RNLS: variants seen among roughly 807,000 people sequenced by gnomAD.
The protein encoded by RNLS is renalase.
A neutral mutation model predicts 39.8 loss-of-function variants in RNLS; 39 were observed. That is an observed-to-expected ratio of 0.98 (90% CI 0.76 to 1.28). RNLS has a LOEUF of 1.28. Among genes scored for constraint, RNLS ranks in the 50% most tolerant of loss-of-function variants. RNLS has a pLI of 0.00. For missense variants in RNLS, 410 were observed against 413.3 expected, an observed-to-expected ratio of 0.99 and a Z score of 0.07; for synonymous variants, 147 against 150.7, an observed-to-expected ratio of 0.98 and a Z score of 0.18.
intron 4 of RNLS, among the ~76,000 whole-genome samples, chr10:88,436,808 A>G (rs1392637523): frequency 6.6e-6 from 1 of 152,162 alleles, no homozygotes; most frequent in African/African-American, 2.4e-5. Context: ...ATATTTTCAT[A>G]AAGAAGTCAG....
the RNLS span, among the ~76,000 whole-genome samples, chr10:88,180,353 C>A: frequency 6.6e-6 from 1 of 152,112 alleles, no homozygotes; most frequent in Non-Finnish European, 1.5e-5. Flanking sequence ...TGAGATCCTT[C>A]TCTTATAATT....
downstream of RNLS, among the ~76,000 whole-genome samples, chr10:88,279,936 T>C (rs564559204): frequency 1.3e-5 from 2 of 152,278 alleles, no homozygotes; most frequent in East Asian, 1.9e-4. Flanking sequence ...TTCTGTCTCA[T>C]GGTTTTGAAG....
At chr10:88,328,866 T>C (rs1277068437) in intron 5 of RNLS, among the ~76,000 whole-genome samples, 1 of 152,156 alleles carries the variant, frequency 6.6e-6, no homozygotes, top group Non-Finnish European at 1.5e-5. Context: ...TCCAAAAGTA[T>C]TCTGTGAAGT....
At chr10:88,573,587 G>A (rs540049952) in intron 3 of RNLS, among the ~76,000 whole-genome samples, 1 of 152,060 alleles carries the variant, frequency 6.6e-6, no homozygotes, top group Non-Finnish European at 1.5e-5. Flanking sequence ...TTCTCTGTAA[G>A]GGAAATGCAA....
rs367758046 is a variant in RNLS at position 88,512,272 on chromosome 10, T to C, written c.526+60631A>G. Among the ~76,000 whole-genome samples the C allele has an allele frequency of 6.5e-4, 99 of 152,322 alleles. No homozygotes were observed. The East Asian group carries it at 0.018, about 27-fold the overall frequency. On this transcript the variant is annotated intron_variant, in intron 4 of 6. Coordinates refer to ENST00000331772, the MANE Select transcript of RNLS (RefSeq NM_001031709.3). The stretch of plus-strand genomic sequence containing the variant: ...GAAGCAGTCTGTTTGCACCCTTTTA[T>C]GTCAGAAATAAGTCCTCTTTGGACA...
the RNLS span, among the ~76,000 whole-genome samples, chr10:88,247,904 C>T: frequency 7.9e-5 from 12 of 152,268 alleles, no homozygotes; most frequent in South Asian, 2.5e-3. Flanking sequence ...GGGCACTAGG[C>T]AAAGAATGCA....
chr10:88,238,423 G>C, the RNLS span, among the ~76,000 whole-genome samples: 1 of 152,198 alleles, frequency 6.6e-6, no homozygotes, highest in South Asian at 2.1e-4. Context: ...ATTCTGCTGA[G>C]CCCTTCTCTG....
intron 4 of RNLS, among the ~76,000 whole-genome samples, chr10:88,449,219 G>C (rs961859471): frequency 1.3e-5 from 2 of 152,112 alleles, no homozygotes; most frequent in African/African-American, 2.4e-5. Flanking sequence ...AATGTCCTCT[G>C]GATCTATTTA....
chr10:88,321,409 A>C (rs2133095463), intron 5 of RNLS, among the ~76,000 whole-genome samples: 1 of 152,336 alleles, frequency 6.6e-6, no homozygotes, highest in South Asian at 2.1e-4. Context: ...AAATGAGAAC[A>C]AACCAAACCC....
At chr10:88,360,379 T>C (rs1564729407) in intron 5 of RNLS, among the ~76,000 whole-genome samples, 1 of 152,166 alleles carries the variant, frequency 6.6e-6, no homozygotes, top group South Asian at 2.1e-4. Flanking sequence ...CTGTGGCACA[T>C]GAGGAGAAGT....
At chr10:88,313,848 A>G (rs750790317) in intron 6 of RNLS, among the ~76,000 whole-genome samples, 7 of 152,196 alleles carry the variant, frequency 4.6e-5, no homozygotes, top group Non-Finnish European at 8.8e-5. Flanking sequence ...CCATTGAAAT[A>G]TGCAGAAATT....
At chr10:88,510,069 A>C (rs1300706013) in intron 4 of RNLS, among the ~76,000 whole-genome samples, 1 of 152,182 alleles carries the variant, frequency 6.6e-6, no homozygotes, top group Non-Finnish European at 1.5e-5. Context: ...ATATAAATGA[A>C]CATTTAGAAA....
At chr10:88,523,802 G>A (rs1214473105) in intron 4 of RNLS, among the ~76,000 whole-genome samples, 2 of 152,036 alleles carry the variant, frequency 1.3e-5, no homozygotes, top group African/African-American at 2.4e-5. Context: ...CATAGGAGCC[G>A]CATCACTACT....
At chr10:88,553,850 T>C (rs1346401611) in intron 4 of RNLS, among the ~76,000 whole-genome samples, 1 of 152,126 alleles carries the variant, frequency 6.6e-6, no homozygotes, top group Non-Finnish European at 1.5e-5. Flanking sequence ...TATAATATAC[T>C]TCAAGGTAGA....
the RNLS span, among the ~76,000 whole-genome samples, chr10:88,265,895 G>A: frequency 2.0e-5 from 3 of 152,188 alleles, no homozygotes; most frequent in South Asian, 2.1e-4. Flanking sequence ...CCCAAATGGC[G>A]AATTAGTCAT....
intron 3 of RNLS, among the ~76,000 whole-genome samples, chr10:88,573,457 C>T (rs1038747817): frequency 3.9e-5 from 6 of 152,140 alleles, no homozygotes; most frequent in Non-Finnish European, 8.8e-5. Context: ...GACTCTAAAG[C>T]TCATCATTTT....
Position 88,284,846 on chromosome 10 carries a change from A to G in RNLS, c.*508T>C. On this transcript the variant is annotated 3_prime_UTR_variant, in exon 7 of 7. Coordinates refer to ENST00000331772, the MANE Select transcript of RNLS (RefSeq NM_001031709.3). ...ACCTACAATTCAGGATCACTTAATA[A>G]CTTGGGGGATAAATGAGAAATAAGA... The G allele has an allele frequency of 1.0e-6, 1 of 985,480 alleles. No individual in the cohort carries two copies. Among genetic ancestry groups the G allele is most frequent in the Non-Finnish European group, 1.2e-6 (1 of 829,996 alleles). The allele number at this position is 985,480 out of a possible 1,614,324, so 61.0% of individuals were successfully genotyped here.
At chr10:88,294,467 C>T (rs752486155) in intron 6 of RNLS, among the ~76,000 whole-genome samples, 1 of 151,854 alleles carries the variant, frequency 6.6e-6, no homozygotes, top group Non-Finnish European at 1.5e-5. Flanking sequence ...TAAATTTATA[C>T]ACAAAATATT....
At chr10:88,224,342 TCA>T in the RNLS span, among the ~76,000 whole-genome samples, 1 of 152,158 alleles carries the variant, frequency 6.6e-6, no homozygotes, top group Non-Finnish European at 1.5e-5. Flanking sequence ...CTTAATACTA[TCA>T]CATTGGTCAT....
Sources: gnomAD v4.1 joint callset for allele counts (sites outside exome capture counted in the v4.1 genomes callset) on GRCh38, gnomAD v4.1.1 for gene constraint, MANE v1.5 for transcripts, NCBI Gene and HGNC (gene_info 2026-07-23, HGNC 2026-07-21) for gene names.